ADAMTSL3: variants seen among roughly 807,000 people sequenced by gnomAD.
The protein encoded by ADAMTSL3 is ADAMTS like 3.
A neutral mutation model predicts 201.7 loss-of-function variants in ADAMTSL3; 128 were observed. That is an observed-to-expected ratio of 0.63 (90% CI 0.55 to 0.73). The LOEUF (loss-of-function observed/expected upper bound fraction) is 0.73, where lower values mean the gene tolerates loss of function less well. ADAMTSL3 is among the 30% of genes least tolerant of loss of function. The pLI is 0.00. For synonymous variants in ADAMTSL3, 738 were observed against 748.4 expected (o/e 0.99, Z 0.23); for missense variants, 1,990 against 2,119.6 (o/e 0.94, Z 1.20).
chr15:83,751,618 A>G (rs1470809265), intron 3 of ADAMTSL3, among the ~76,000 whole-genome samples: 1 of 152,188 alleles, frequency 6.6e-6, no homozygotes, highest in Non-Finnish European at 1.5e-5. Context: ...AATTCGATGT[A>G]TATGGTATGG....
intron 16 of ADAMTSL3, among the ~76,000 whole-genome samples, chr15:83,917,433 A>ATGTC (rs1567235151): frequency 6.6e-6 from 1 of 151,960 alleles, no homozygotes; most frequent in Non-Finnish European, 1.5e-5. Context: ...GTATGTATGT[A>ATGTC]TGTATGTATG....
chr15:83,838,169 C>A lies in ADAMTSL3; in HGVS notation c.681C>A (p.Cys227Ter). ...CGVCAGDGSTCRLVRGQSKSH... is the reference protein window; with the variant it reads ...CGVCAGDGST ...TCTGTGCCGGCGATGGCTCCACCTG[C>A]AGGCTTGTACGGGGACAATCAAAGT... Residue 227 changes from cysteine (C) to a stop codon, truncating the protein, a stop_gained, in exon 7 of 30, where the codon TGC becomes TGA. Transcript: ENST00000286744. LOFTEE classifies it high-confidence loss of function. 2 of 1,613,078 alleles carry A rather than the reference C, an allele frequency of 1.2e-6. No individual in the cohort carries two copies. The highest frequency in any genetic ancestry group is 1.7e-6 in the Non-Finnish European group (2 of 1,179,618).
chr15:83,821,695 C>T (rs1357771541), intron 6 of ADAMTSL3, among the ~76,000 whole-genome samples: 1 of 152,238 alleles, frequency 6.6e-6, no homozygotes, highest in South Asian at 2.1e-4. Flanking sequence ...CCCCACCTTT[C>T]CCCACTTTCT....
In ADAMTSL3 at chr15:84,039,537, C is replaced by G. The variant is rs184845451; in HGVS notation, c.*1731C>G. On this transcript the variant is annotated 3_prime_UTR_variant, in exon 30 of 30. Transcript: ENST00000286744. ...TAAAAGAAAGATCATTTGTAACATA[C>G]TCTTTGTATATATTTATTATATGAA... The G allele has an allele frequency of 6.6e-6, 1 of 152,504 alleles. No homozygotes were observed. The highest frequency in any genetic ancestry group is 2.4e-5 in the African/African-American group (1 of 41,402). 9.4% of individuals were successfully genotyped at this position (152,504 alleles called of 1,614,324 possible).
chr15:83,873,700 C>T (rs1056589019), intron 9 of ADAMTSL3, among the ~76,000 whole-genome samples: 1 of 145,346 alleles, frequency 6.9e-6, no homozygotes, highest in Non-Finnish European at 1.5e-5. Context: ...TTATAAAACT[C>T]ATTTTCCTCA....
chr15:84,021,305 T>G, intron 25 of ADAMTSL3, 105 bp from the exon 26 acceptor site: 1 of 1,305,444 alleles, frequency 7.7e-7, no homozygotes, highest in East Asian at 2.3e-5. Flanking sequence ...CATATGCTAC[T>G]TAAAGAACCA....
intron 3 of ADAMTSL3, among the ~76,000 whole-genome samples, chr15:83,708,630 A>G (rs1367123488): frequency 6.6e-6 from 1 of 152,232 alleles, no homozygotes; most frequent in African/African-American, 2.4e-5. Flanking sequence ...TAACAGAACT[A>G]TTTAACGTTT....
At chr15:83,736,830 A>T (rs2062376040) in intron 3 of ADAMTSL3, among the ~76,000 whole-genome samples, 1 of 152,188 alleles carries the variant, frequency 6.6e-6, no homozygotes, top group Non-Finnish European at 1.5e-5. Flanking sequence ...CTTCCAGACC[A>T]TAGTCCTCCC....
At position 83,711,815 on chromosome 15, in the gene ADAMTSL3, A is replaced by G. The variant is rs1368571997; in HGVS notation, c.189+7307A>G. Reference sequence around the variant, plus strand: ...AGAATTGTGTGGGTAGAGATTTAATATCTAGCTTTTGAAGGATGCAGACAT... The same window carrying G: ...AGAATTGTGTGGGTAGAGATTTAATGTCTAGCTTTTGAAGGATGCAGACAT... On this transcript the variant is annotated intron_variant, in intron 3 of 29. Transcript: ENST00000286744. Among the ~76,000 whole-genome samples, 11 of 152,178 alleles carry G rather than the reference A, an allele frequency of 7.2e-5. No individual in the cohort carries two copies. The East Asian group carries it at 2.1e-3, about 29-fold the overall frequency.
chr15:83,825,379 G>A (rs2064000021), intron 6 of ADAMTSL3, among the ~76,000 whole-genome samples: 1 of 152,184 alleles, frequency 6.6e-6, no homozygotes, highest in Non-Finnish European at 1.5e-5. Context: ...GGGAGGCCAA[G>A]ACAGGAGAGT....
intron 13 of ADAMTSL3, among the ~76,000 whole-genome samples, chr15:83,896,513 GTTA>G (rs2065618537): frequency 6.6e-6 from 1 of 152,068 alleles, no homozygotes; most frequent in South Asian, 2.1e-4. Context: ...TGATGTATTA[GTTA>G]TGTTAATAAT....
rs531717017 is a variant in ADAMTSL3 at position 83,671,373 on chromosome 15, T to C, written c.69+15543T>C. On this transcript the variant is annotated intron_variant, in intron 2 of 29. Transcript: ENST00000286744. Reference sequence around the variant, plus strand: ...GTGTGTTCGGGATTTCTCCAGATTCTTTAATCCAATTTGATCAATATAAAA... The same window carrying C: ...GTGTGTTCGGGATTTCTCCAGATTCCTTAATCCAATTTGATCAATATAAAA... 1.2e-3 allele frequency among the ~76,000 whole-genome samples: 178 copies of C among 152,366 alleles called. 1 individual carries two copies. Among genetic ancestry groups the C allele is most frequent in the Non-Finnish European group, 1.7e-3 (115 of 68,046 alleles).
At chr15:83,830,903 C>G (rs1043973731) in intron 6 of ADAMTSL3, among the ~76,000 whole-genome samples, 4 of 152,086 alleles carry the variant, frequency 2.6e-5, no homozygotes, top group African/African-American at 9.7e-5. Context: ...GACTTTAAAA[C>G]TTAAGCTTCA....
At chr15:83,757,238 CT>C (rs2062736167) in intron 3 of ADAMTSL3, among the ~76,000 whole-genome samples, 1 of 152,270 alleles carries the variant, frequency 6.6e-6, no homozygotes, top group Non-Finnish European at 1.5e-5. Context: ...GGGCTTGCCC[CT>C]GCTGCAAACT....
intron 28 of ADAMTSL3, among the ~76,000 whole-genome samples, chr15:84,035,982 C>T (rs2068498126): frequency 6.6e-6 from 1 of 152,274 alleles, no homozygotes; most frequent in Admixed American, 6.5e-5. Flanking sequence ...TAGCAACCTC[C>T]AAATCCTAAG....
intron 3 of ADAMTSL3, among the ~76,000 whole-genome samples, chr15:83,733,430 TAG>T (rs1411460186): frequency 6.6e-6 from 1 of 152,084 alleles, no homozygotes; most frequent in Non-Finnish European, 1.5e-5. Context: ...CCCTGTTGGG[TAG>T]AGACTGTGAG....
At chr15:83,939,103 A>G (rs78627663) in intron 17 of ADAMTSL3, among the ~76,000 whole-genome samples, 22,452 of 152,190 alleles carry the variant, frequency 0.15, 2,125 homozygotes, top group Admixed American at 0.24. Flanking sequence ...CCAAGGTTGA[A>G]CCAATTTTGC....
At chr15:83,908,136 A>G (rs2065873254) in intron 15 of ADAMTSL3, among the ~76,000 whole-genome samples, 1 of 152,224 alleles carries the variant, frequency 6.6e-6, no homozygotes, top group Non-Finnish European at 1.5e-5. Context: ...GAGCATTGTC[A>G]AATTGTCTTT....
intron 23 of ADAMTSL3, among the ~76,000 whole-genome samples, chr15:84,011,397 G>C (rs1159709049): frequency 6.6e-6 from 1 of 152,172 alleles, no homozygotes; most frequent in East Asian, 1.9e-4. Flanking sequence ...CACTGGGGCT[G>C]CTATAAGAAA....
Sources: allele counts gnomAD v4.1 joint callset (sites outside exome capture counted in the v4.1 genomes callset), GRCh38; gene constraint gnomAD v4.1.1; transcripts MANE v1.5; gene names NCBI Gene and HGNC (gene_info 2026-07-23, HGNC 2026-07-21).